Variants in NAPA observed in about 807,000 individuals in gnomAD.
NAPA encodes the protein NSF attachment protein alpha.
In NAPA, 18 loss-of-function variants were observed where a neutral mutation model predicts 48.0. The ratio of observed to expected loss-of-function variants is 0.38; its 90% CI spans 0.26 to 0.56. The LOEUF (loss-of-function observed/expected upper bound fraction) is 0.56, where lower values mean the gene tolerates loss of function less well. Ranked by LOEUF, NAPA falls within the 20% of genes least tolerant of loss-of-function variation. NAPA has a pLI of 0.77. For synonymous variants in NAPA, 152 were observed against 149.9 expected (o/e 1.01, Z -0.10); for missense variants, 315 against 385.0 (o/e 0.82, Z 1.52).
intron 1 of NAPA, among the ~76,000 whole-genome samples, chr19:47,512,956 T>C (rs1479391973): frequency 1.3e-5 from 2 of 152,058 alleles, no homozygotes; most frequent in Non-Finnish European, 2.9e-5. Flanking sequence ...TTCTCCAGCC[T>C]TCTGCAGATG....
intron 3 of NAPA, among the ~76,000 whole-genome samples, chr19:47,498,004 T>C (rs1366719445): frequency 6.6e-6 from 1 of 152,084 alleles, no homozygotes; most frequent in Admixed American, 6.5e-5. Context: ...GTTGGGTAAC[T>C]GAGGAACCAA....
At chr19:47,499,061 C>T (rs886194811) in intron 3 of NAPA, among the ~76,000 whole-genome samples, 2 of 152,214 alleles carry the variant, frequency 1.3e-5, no homozygotes, top group Non-Finnish European at 2.9e-5. Context: ...GGTCGGAGTC[C>T]TCAGCCACCT....
chr19:47,490,167 T>G (rs1348173494), intron 9 of NAPA, among the ~76,000 whole-genome samples: 1 of 145,160 alleles, frequency 6.9e-6, no homozygotes, highest in Non-Finnish European at 1.5e-5. Flanking sequence ...GTGTGTGGGG[T>G]GTGTGTGGTG....
At position 47,503,508 on chromosome 19, in the gene NAPA, G is replaced by A. The variant is rs764012437; in HGVS notation, c.99-6C>T. The A allele has an allele frequency of 7.4e-6, 12 of 1,613,618 alleles. No homozygotes were observed. Among genetic ancestry groups the A allele is most frequent in the Non-Finnish European group, 8.5e-6 (10 of 1,179,524 alleles). Reference sequence around the variant, plus strand: ...CCTCTATTTTGGATGAGCCTCTGGGGAAAAAGGAAAGAAAAAAAGGAGACA... The same window carrying A: ...CCTCTATTTTGGATGAGCCTCTGGGAAAAAAGGAAAGAAAAAAAGGAGACA... On this transcript the variant is annotated splice_region_variant and splice_polypyrimidine_tract_variant and intron_variant, in intron 1 of 10. Transcript: ENST00000263354.
chr19:47,491,194 A>C, intron 8 of NAPA: 1 of 237,290 alleles, frequency 4.2e-6, no homozygotes, highest in Non-Finnish European at 8.3e-6. Flanking sequence ...CTTCTTGAGG[A>C]CCCTGAGAGG....
downstream of NAPA, among the ~76,000 whole-genome samples, chr19:47,485,714 C>G (rs1968053364): frequency 6.6e-6 from 1 of 152,196 alleles, no homozygotes; most frequent in South Asian, 2.1e-4. Context: ...TTCTCAAAGG[C>G]AGACTGGATA....
chr19:47,500,505 G>T, intron 3 of NAPA, 128 bp downstream of exon 3: 2 of 674,908 alleles, frequency 3.0e-6, no homozygotes, highest in Non-Finnish European at 2.4e-6. Flanking sequence ...CCTCAGGCAC[G>T]CCCCTGCCAG....
intron 1 of NAPA, among the ~76,000 whole-genome samples, chr19:47,510,259 A>G (rs1968781024): frequency 6.6e-6 from 1 of 152,212 alleles, no homozygotes; most frequent in Non-Finnish European, 1.5e-5. Context: ...CAGGCCCTGT[A>G]CAGACAAGCT....
At chr19:47,503,563 C>T in intron 1 of NAPA, 61 bp from the exon 2 acceptor site, 1 of 1,513,520 alleles carries the variant, frequency 6.6e-7, no homozygotes, top group African/African-American at 1.4e-5. Flanking sequence ...AGAAAGCAAG[C>T]ATTCTGCTCC....
chr19:47,514,012 A>T (rs947793784), intron 1 of NAPA, among the ~76,000 whole-genome samples: 2 of 150,988 alleles, frequency 1.3e-5, no homozygotes, highest in Middle Eastern at 6.8e-3. Flanking sequence ...CCAGGCCCAG[A>T]TAACTTTTGT....
intron 10 of NAPA, chr19:47,488,637 T>C (rs1820405762): frequency 3.6e-6 from 1 of 277,830 alleles, no homozygotes; most frequent in Non-Finnish European, 6.8e-6. Context: ...AAAAGGTCCA[T>C]GGCTGGGCGC....
Position 47,490,853 on chromosome 19 carries a change from C to A in NAPA, c.670G>T (p.Ala224Ser). Residue 224 changes from alanine to serine, a missense_variant, in exon 9 of 11, where the codon GCT (alanine) becomes TCT (serine). By Grantham distance (99) the Ala-to-Ser change is moderately conservative. Transcript: ENST00000263354. ...AACAGCTCCTCATACTTTTGGACAG[C>A]CAGCTGGGCAGCAGGGAAGGGAGAA... ...FCIDMLNAKL[A>S]VQKYEELFPA... is the part of the protein sequence containing the mutation. 6.2e-7 allele frequency: 1 copy of A among 1,613,342 alleles called. No individual in the cohort carries two copies. The highest frequency in any genetic ancestry group is 2.2e-5 in the East Asian group (1 of 44,848).
At chr19:47,489,827 G>GA in intron 9 of NAPA, 66 bp from the exon 10 acceptor site, 1 of 1,546,002 alleles carries the variant, frequency 6.5e-7, no homozygotes, top group Non-Finnish European at 8.9e-7. Flanking sequence ...TGGATTAGAT[G>GA]AAAGGACACG....
chr19:47,492,525 C>T lies in NAPA; in HGVS notation c.562-406G>A, dbSNP rs117591624. ...GGGGGCCAGCTGCCTGCCTTTTTCT[C>T]GGCCATCACCCAGGGCTCCGTGCAC... is the stretch of plus-strand genomic sequence containing the variant. On this transcript the variant is annotated intron_variant, in intron 7 of 10. Coordinates refer to ENST00000263354, the MANE Select transcript of NAPA (RefSeq NM_003827.4). 386 of 384,512 alleles carry T rather than the reference C, an allele frequency of 1.0e-3. 6 individuals carry two copies. The East Asian group carries it at 0.017, about 17-fold the overall frequency. 23.8% of individuals were successfully genotyped at this position (384,512 alleles called of 1,614,324 possible).
rs1204515724 is a variant in NAPA at position 47,495,612 on chromosome 19, G to A, written c.296-16C>T. ...TTAATGGCCTCTGGAGAGAAAGGGAGGTGGGAGGAGACATGAGAAAGTGAA... is the reference window on the plus strand; with the variant it reads ...TTAATGGCCTCTGGAGAGAAAGGGAAGTGGGAGGAGACATGAGAAAGTGAA... On this transcript the variant is annotated splice_polypyrimidine_tract_variant and intron_variant, in intron 3 of 10. Coordinates refer to ENST00000263354, the MANE Select transcript of NAPA (RefSeq NM_003827.4). 1 of 1,613,558 alleles carries A rather than the reference G, an allele frequency of 6.2e-7. No homozygotes were observed. The highest frequency in any genetic ancestry group is 8.5e-7 in the Non-Finnish European group (1 of 1,179,632).
intron 1 of NAPA, among the ~76,000 whole-genome samples, chr19:47,503,971 C>T (rs1163580276): frequency 1.3e-5 from 2 of 152,208 alleles, no homozygotes; most frequent in African/African-American, 4.8e-5. Context: ...TCAATAAAGA[C>T]CTTGCAGCCC....
chr19:47,485,354 T>G (rs772998173), downstream of NAPA, among the ~76,000 whole-genome samples: 1 of 152,214 alleles, frequency 6.6e-6, no homozygotes, highest in Admixed American at 6.5e-5. Flanking sequence ...CTGACTGATA[T>G]GCTAGCAAGT....
chr19:47,497,018 AG>A (rs1262535657), intron 3 of NAPA: 2 of 320,810 alleles, frequency 6.2e-6, no homozygotes, highest in African/African-American at 4.4e-5. Context: ...ATGAGGAGGA[AG>A]GGGAGAGAAC....
At chr19:47,507,785 C>A (rs916521582) in intron 1 of NAPA, among the ~76,000 whole-genome samples, 4 of 152,204 alleles carry the variant, frequency 2.6e-5, no homozygotes, top group African/African-American at 9.6e-5. Context: ...CAGCTCCTCA[C>A]GAGAGCCCTT....
Sources: allele counts gnomAD v4.1 joint callset (sites outside exome capture counted in the v4.1 genomes callset), GRCh38; gene constraint gnomAD v4.1.1; transcripts MANE v1.5; gene names NCBI Gene and HGNC (gene_info 2026-07-23, HGNC 2026-07-21).